KLF8: variants seen among roughly 807,000 people sequenced by gnomAD.
KLF8 encodes KLF transcription factor 8.
KLF8 carries 10 observed loss-of-function variants against 18.2 expected under a neutral mutation model. That is an observed-to-expected ratio of 0.55 (90% CI 0.34 to 0.93). The LOEUF (loss-of-function observed/expected upper bound fraction) is 0.93. Among genes scored for constraint, KLF8 ranks in the 40% least tolerant of loss-of-function variants. The pLI, the probability that KLF8 is intolerant of heterozygous loss-of-function variation, is 0.02. For missense variants in KLF8, 264 were observed against 277.9 expected (o/e 0.95, Z 0.36); for synonymous variants, 109 against 97.3 (o/e 1.12, Z -0.71).
the KLF8 span, among the ~76,000 whole-genome samples, chrX:56,190,355 GAGAT>G: frequency 9.0e-6 from 1 of 111,344 alleles, no homozygotes; most frequent in Non-Finnish European, 1.9e-5. Context: ...AGCTAAAAAA[GAGAT>G]AGACCCCAAT....
the KLF8 span, among the ~76,000 whole-genome samples, chrX:56,160,759 C>A: frequency 2.7e-5 from 3 of 111,024 alleles, no homozygotes; most frequent in Non-Finnish European, 5.7e-5. Context: ...TTCTTCCATC[C>A]CTTTATTTTG....
chrX:56,131,846 A>G, the KLF8 span, among the ~76,000 whole-genome samples: 1 of 112,097 alleles, frequency 8.9e-6, no homozygotes, highest in Non-Finnish European at 1.9e-5. Flanking sequence ...TTCTTATATC[A>G]GACAAAACAA....
At chrX:55,952,810 T>A in the KLF8 span, among the ~76,000 whole-genome samples, 2 of 111,886 alleles carry the variant, frequency 1.8e-5, no homozygotes, top group African/African-American at 6.5e-5. Context: ...CTATAACACA[T>A]CACAAATACC....
the KLF8 span, among the ~76,000 whole-genome samples, chrX:55,990,290 G>A: frequency 1.8e-5 from 2 of 111,708 alleles, no homozygotes; most frequent in South Asian, 3.8e-4. Context: ...TAATTGTGAT[G>A]TTAGGGTGTC....
intron 3 of KLF8, chrX:56,268,317 C>A (rs1392402092): frequency 9.0e-6 from 1 of 111,279 alleles, no homozygotes; most frequent in Non-Finnish European, 1.9e-5. Context: ...TGGATATATA[C>A]CCAGAAGGGA....
chrX:55,934,033 A>T, the KLF8 span, among the ~76,000 whole-genome samples: 1 of 112,066 alleles, frequency 8.9e-6, no homozygotes, highest in South Asian at 3.7e-4. Context: ...AACAAACAAC[A>T]ATGTGTATCC....
the KLF8 span, among the ~76,000 whole-genome samples, chrX:55,922,447 G>A: frequency 1.8e-5 from 2 of 112,224 alleles, no homozygotes; most frequent in African/African-American, 6.5e-5. Flanking sequence ...AACAACACAC[G>A]CTGGGACCTG....
At chrX:56,237,433 G>GTA (rs1485205827) in intron 1 of KLF8, among the ~76,000 whole-genome samples, 4 of 109,017 alleles carry the variant, frequency 3.7e-5, no homozygotes, top group African/African-American at 1.3e-4. Context: ...GTGTGTGTGT[G>GTA]TATATATATA....
chrX:56,271,558 G>C (rs1218659752), intron 5 of KLF8, among the ~76,000 whole-genome samples: 1 of 111,644 alleles, frequency 9.0e-6, no homozygotes, highest in Non-Finnish European at 1.9e-5. Context: ...TGCTGTGTTA[G>C]AATTTGTGTA....
At chrX:55,939,835 G>C in the KLF8 span, among the ~76,000 whole-genome samples, 1 of 111,815 alleles carries the variant, frequency 8.9e-6, no homozygotes, top group Non-Finnish European at 1.9e-5. Context: ...GGAAGAAGTT[G>C]AATCTCTGAA....
At chrX:55,992,111 G>T in the KLF8 span, among the ~76,000 whole-genome samples, 2 of 112,101 alleles carry the variant, frequency 1.8e-5, no homozygotes, top group Non-Finnish European at 3.8e-5. Context: ...AATTAATTAG[G>T]TCTCAATTAT....
the KLF8 span, among the ~76,000 whole-genome samples, chrX:56,035,691 A>G: frequency 1.8e-5 from 2 of 111,576 alleles, no homozygotes; most frequent in East Asian, 2.8e-4. Context: ...TTGGGTTTTG[A>G]TTTGCATTTC....
the KLF8 span, among the ~76,000 whole-genome samples, chrX:55,967,404 C>T: frequency 2.7e-5 from 3 of 110,715 alleles, no homozygotes; most frequent in African/African-American, 9.8e-5. Context: ...AGCTCCAATA[C>T]CTCTGGAAGC....
chrX:55,933,059 T>A, the KLF8 span, among the ~76,000 whole-genome samples: 5 of 112,043 alleles, frequency 4.5e-5, no homozygotes, highest in East Asian at 1.4e-3. Context: ...TGGATGTTTT[T>A]TTTTCTTATG....
the KLF8 span, among the ~76,000 whole-genome samples, chrX:56,005,333 T>C: frequency 8.9e-6 from 1 of 111,866 alleles, no homozygotes; most frequent in Non-Finnish European, 1.9e-5. Flanking sequence ...GGATTTATAC[T>C]CATTTGTATG....
the KLF8 span, among the ~76,000 whole-genome samples, chrX:56,162,179 T>TA: frequency 1.9e-3 from 209 of 111,980 alleles, 2 homozygotes; most frequent in African/African-American, 6.5e-3. Context: ...AGTGTGCCCC[T>TA]ACTGTGGGGT....
the KLF8 span, among the ~76,000 whole-genome samples, chrX:55,935,580 T>C: frequency 8.9e-6 from 1 of 112,187 alleles, no homozygotes; most frequent in Admixed American, 9.5e-5. Flanking sequence ...AATAGGAGAA[T>C]AGATAATTAT....
At chrX:56,103,370 A>C in the KLF8 span, among the ~76,000 whole-genome samples, 1 of 111,194 alleles carries the variant, frequency 9.0e-6, no homozygotes, top group Admixed American at 9.5e-5. Context: ...ATTTGTTTGT[A>C]TCCTCTTTTA....
chrX:56,256,976 T>C (rs756197002), intron 2 of KLF8, among the ~76,000 whole-genome samples: 1 of 112,404 alleles, frequency 8.9e-6, no homozygotes, highest in South Asian at 3.7e-4. Context: ...GTGCTGGGAT[T>C]ACAGGCGTGA....
Sources: allele counts gnomAD v4.1 joint callset (sites outside exome capture counted in the v4.1 genomes callset), GRCh38; gene constraint gnomAD v4.1.1; transcripts MANE v1.5; gene names NCBI Gene and HGNC (gene_info 2026-07-23, HGNC 2026-07-21).